Variants in GREM2 observed in about 807,000 individuals in gnomAD.
GREM2 encodes gremlin-2.
Under a neutral mutation model 14.2 loss-of-function variants are expected in GREM2, and 11 were observed. That is an observed-to-expected ratio of 0.78 (90% CI 0.49 to 1.28). The LOEUF is 1.28. Among genes scored for constraint, GREM2 ranks in the 50% most tolerant of loss-of-function variants. The pLI, the probability that GREM2 is intolerant of heterozygous loss-of-function variation, is 0.00. For missense variants in GREM2, 210 were observed against 218.5 expected (o/e 0.96, Z 0.24); for synonymous variants, 98 against 97.6 (o/e 1.00, Z -0.02).
chr1:240,512,140 G>C (rs527834725), intron 1 of GREM2, among the ~76,000 whole-genome samples: 3 of 152,288 alleles, frequency 2.0e-5, no homozygotes, highest in Admixed American at 2.0e-4. Context: ...CCATTTCAAT[G>C]CAAGGGAATA....
chr1:240,534,642 G>C lies in GREM2; in HGVS notation c.-1-41166C>G, dbSNP rs530153235. On this transcript the variant is annotated intron_variant, in intron 1 of 1. Transcript: ENST00000318160. ...CAGGAAGTGGAGCTTGCAGTGAGCTGAGATCTTGCCACTGCACTCCAGCCT... is the reference window on the plus strand; with the variant it reads ...CAGGAAGTGGAGCTTGCAGTGAGCTCAGATCTTGCCACTGCACTCCAGCCT... Among the ~76,000 whole-genome samples, 16 of 149,520 alleles carry C rather than the reference G, an allele frequency of 1.1e-4. No individual in the cohort carries two copies. In the South Asian group the frequency reaches 2.1e-3, roughly 20 times the overall value.
intron 1 of GREM2, among the ~76,000 whole-genome samples, chr1:240,541,708 A>T (rs1678592986): frequency 6.6e-6 from 1 of 151,822 alleles, no homozygotes. Context: ...TTTTGAAGTA[A>T]GTATACTGAT....
intron 1 of GREM2, among the ~76,000 whole-genome samples, chr1:240,567,706 A>C (rs1572402442): frequency 6.6e-6 from 1 of 152,228 alleles, no homozygotes; most frequent in Non-Finnish European, 1.5e-5. Context: ...AAAAATGTGC[A>C]CCTGTACAGA....
intron 1 of GREM2, among the ~76,000 whole-genome samples, chr1:240,590,927 A>G (rs772402088): frequency 1.1e-4 from 16 of 151,934 alleles, no homozygotes; most frequent in Middle Eastern, 3.4e-3. Context: ...GATTACAGGC[A>G]CGCGCCTCCA....
Position 240,547,532 on chromosome 1 carries a change from T to TAG in GREM2, c.-1-54057_-1-54056insCT, listed in dbSNP as rs1553275859. Among the ~76,000 whole-genome samples the TAG allele has an allele frequency of 9.9e-3, 1,203 of 121,788 alleles. 18 individuals are homozygous for TAG. The highest frequency in any genetic ancestry group is 0.053 in the East Asian group (228 of 4,278). 79.9% of individuals were successfully genotyped at this position (121,788 alleles called of 152,430 possible). ...AAAAAAAAATATATATATATATATA[T>TAG]ATAGATAGATAGATAGATAGATAGA... On this transcript the variant is annotated intron_variant, in intron 1 of 1. Transcript: ENST00000318160.
chr1:240,607,792 A>G (rs1022355419), intron 1 of GREM2, among the ~76,000 whole-genome samples: 2 of 152,236 alleles, frequency 1.3e-5, no homozygotes, highest in Non-Finnish European at 2.9e-5. Context: ...GATTGAAATC[A>G]TATATGTAAA....
At chr1:240,544,644 G>A (rs902387114) in intron 1 of GREM2, among the ~76,000 whole-genome samples, 2 of 152,140 alleles carry the variant, frequency 1.3e-5, no homozygotes, top group East Asian at 3.9e-4. Flanking sequence ...TCATTCCTCT[G>A]TTTTTAGCCC....
chr1:240,611,206 G>A (rs1680126877), intron 1 of GREM2, among the ~76,000 whole-genome samples: 2 of 152,148 alleles, frequency 1.3e-5, no homozygotes, highest in South Asian at 4.1e-4. Context: ...AGTAATATGT[G>A]AGATCCTGGA....
intron 1 of GREM2, among the ~76,000 whole-genome samples, chr1:240,556,191 AAAAGGGAGG>A (rs1157228186): frequency 6.6e-6 from 1 of 152,218 alleles, no homozygotes; most frequent in Non-Finnish European, 1.5e-5. Flanking sequence ...GACACCAGTT[AAAAGGGAGG>A]CCATGTGCTA....
chr1:240,604,618 A>G (rs1679991870), intron 1 of GREM2, among the ~76,000 whole-genome samples: 1 of 151,626 alleles, frequency 6.6e-6, no homozygotes. Context: ...TCAAGAAGCA[A>G]TTTTTTTTTC....
chr1:240,578,820 T>C (rs895513994), intron 1 of GREM2, among the ~76,000 whole-genome samples: 8 of 140,000 alleles, frequency 5.7e-5, no homozygotes, highest in African/African-American at 2.3e-4. Flanking sequence ...AAAATAAAAA[T>C]AGAAAAAAAA....
rs1677253699 is a variant in GREM2, at chr1:240,491,717, C to T, written c.*1252G>A. ...TCCTTATATTTTTCAATATCCCTCT[C>T]TTTTTCTCTTTCTTTTAACAGGAAA... is the stretch of plus-strand genomic sequence containing the variant. On this transcript the variant is annotated 3_prime_UTR_variant, in exon 2 of 2. Transcript: ENST00000318160. 1 of 152,620 alleles carries T rather than the reference C, an allele frequency of 6.6e-6. No homozygotes were observed. Among genetic ancestry groups the T allele is most frequent in the Non-Finnish European group, 1.5e-5 (1 of 68,042 alleles). 9.5% of individuals were successfully genotyped at this position (152,620 alleles called of 1,614,324 possible).
At chr1:240,595,158 G>T (rs1439705898) in intron 1 of GREM2, among the ~76,000 whole-genome samples, 1 of 152,126 alleles carries the variant, frequency 6.6e-6, no homozygotes, top group Non-Finnish European at 1.5e-5. Context: ...GGCCGAGGAG[G>T]GTGGATCTCC....
At chr1:240,531,749 C>T (rs1394100377) in intron 1 of GREM2, 2 of 907,296 alleles carry the variant, frequency 2.2e-6, no homozygotes, top group African/African-American at 3.6e-5. Context: ...GCTCTTGTTG[C>T]CCAGACTGGA....
intron 1 of GREM2, among the ~76,000 whole-genome samples, chr1:240,566,600 C>T (rs1463125617): frequency 2.0e-5 from 3 of 152,018 alleles, no homozygotes; most frequent in Non-Finnish European, 2.9e-5. Flanking sequence ...CTCTGGGATT[C>T]GGCTGAATCT....
At chr1:240,547,918 A>G (rs895488849) in intron 1 of GREM2, among the ~76,000 whole-genome samples, 1 of 152,074 alleles carries the variant, frequency 6.6e-6, no homozygotes, top group Non-Finnish European at 1.5e-5. Flanking sequence ...TAAATATGTT[A>G]TCTGATGGGA....
rs113815795 is a variant in GREM2 at position 240,540,567 on chromosome 1, CT to C, written c.-1-47092del. Among the ~76,000 whole-genome samples, 906 of 142,810 alleles carry C rather than the reference CT, an allele frequency of 6.3e-3. 3 individuals are homozygous for C. Among genetic ancestry groups the C allele is most frequent in the African/African-American group, 4.7e-3 (185 of 39,240 alleles). 93.7% of individuals were successfully genotyped at this position (142,810 alleles called of 152,430 possible). A position where few individuals can be genotyped will look rare whatever the true frequency, so the allele number is the denominator to read the frequency against. ...GTAAGTCAAAAGAAGAATGGTACTT[CT>C]TTTTTTTTTTTTTGAGATGGAGTCT... On this transcript the variant is annotated intron_variant, in intron 1 of 1. Coordinates refer to ENST00000318160, the MANE Select transcript of GREM2 (RefSeq NM_022469.4). This position sits in a 1 kb window ranked among gnomAD's most constrained non-coding sequence, Gnocchi z 4.2.
At chr1:240,497,082 T>A (rs1572362840) in intron 1 of GREM2, among the ~76,000 whole-genome samples, 1 of 151,928 alleles carries the variant, frequency 6.6e-6, no homozygotes, top group African/African-American at 2.4e-5. Flanking sequence ...TCAACAAGTC[T>A]GTAATTAAGA....
intron 1 of GREM2, among the ~76,000 whole-genome samples, chr1:240,501,298 T>G (rs1677564637): frequency 6.6e-6 from 1 of 152,232 alleles, no homozygotes; most frequent in African/African-American, 2.4e-5. Context: ...CTCAGAAGTT[T>G]GAAATCCAAA....
Sources: gnomAD v4.1 joint callset for allele counts (sites outside exome capture counted in the v4.1 genomes callset) on GRCh38, gnomAD v4.1.1 for gene constraint, Gnocchi (gnomAD v3.1) non-coding constraint, MANE v1.5 for transcripts, NCBI Gene and HGNC (gene_info 2026-07-23, HGNC 2026-07-21) for gene names.